The following PAX5 variants were observed in gnomAD, a reference collection of about 807,000 sequenced individuals.
PAX5 encodes the protein paired box 5.
Under a neutral mutation model 43.7 loss-of-function variants are expected in PAX5, and 9 were observed. The ratio of observed to expected loss-of-function variants is 0.21; its 90% CI spans 0.12 to 0.36. The LOEUF (loss-of-function observed/expected upper bound fraction) is 0.36. Ranked by LOEUF, PAX5 falls within the 10% of genes least tolerant of loss-of-function variation. The pLI is 1.00. For synonymous variants in PAX5, 228 were observed against 214.3 expected, an observed-to-expected ratio of 1.06 and a Z score of -0.56; for missense variants, 383 against 532.7, an observed-to-expected ratio of 0.72 and a Z score of 2.77.
At chr9:37,014,579 G>A (rs1388924818) in intron 3 of PAX5, among the ~76,000 whole-genome samples, 2 of 152,222 alleles carry the variant, frequency 1.3e-5, no homozygotes, top group Non-Finnish European at 2.9e-5. Flanking sequence ...CAAACTGGAG[G>A]AAGGATTTTC....
chr9:36,838,708 T>C lies in PAX5; in HGVS notation c.*1852A>G, dbSNP rs1821816421. On this transcript the variant is annotated 3_prime_UTR_variant, in exon 10 of 10. Transcript: ENST00000358127. ...AGGTGCCCACCCCCATCTGCTTGCT[T>C]GGAAGTGGAGGGCCTGCCCCAGATG... is the stretch of plus-strand genomic sequence containing the variant. 4.3e-6 allele frequency: 1 copy of C among 233,006 alleles called. No individual in the cohort carries two copies. Among genetic ancestry groups the C allele is most frequent in the Non-Finnish European group, 8.5e-6 (1 of 117,988 alleles). 14.4% of individuals were successfully genotyped at this position (233,006 alleles called of 1,614,324 possible).
At chr9:36,981,448 C>CAAAAAAA (rs200070533) in intron 5 of PAX5, among the ~76,000 whole-genome samples, 1 of 134,658 alleles carries the variant, frequency 7.4e-6, no homozygotes. Context: ...AAAAAAAAAA[C>CAAAAAAA]AAAAAACAGG....
chr9:36,890,186 A>G (rs927199102), intron 7 of PAX5, among the ~76,000 whole-genome samples: 4 of 151,898 alleles, frequency 2.6e-5, no homozygotes, highest in African/African-American at 9.7e-5. Context: ...CTCCCCCTCC[A>G]TCTACCTGAC....
At position 36,997,898 on chromosome 9, in the gene PAX5, G is replaced by A. The variant is rs1837524498; in HGVS notation, c.604+4750C>T. On this transcript the variant is annotated intron_variant, in intron 5 of 9. Coordinates refer to ENST00000358127, the MANE Select transcript of PAX5 (RefSeq NM_016734.3). Reference sequence around the variant, plus strand: ...AGAAGGGAAAGACAAGTGGGTAGATGCACTTGCAGACACAGTACTGGCACA... The same window carrying A: ...AGAAGGGAAAGACAAGTGGGTAGATACACTTGCAGACACAGTACTGGCACA... Among the ~76,000 whole-genome samples the A allele has an allele frequency of 2.6e-5, 4 of 152,236 alleles. No homozygotes were observed. In the South Asian group the frequency reaches 8.3e-4, roughly 32 times the overall value.
intron 5 of PAX5, among the ~76,000 whole-genome samples, chr9:36,986,058 C>G (rs1252978651): frequency 6.6e-6 from 1 of 151,982 alleles, no homozygotes; most frequent in Non-Finnish European, 1.5e-5. Flanking sequence ...GACGCCAGCT[C>G]CGTCCGACCC....
chr9:36,848,639 C>CT (rs974591618), intron 8 of PAX5, among the ~76,000 whole-genome samples: 2 of 152,174 alleles, frequency 1.3e-5, no homozygotes, highest in African/African-American at 4.8e-5. Flanking sequence ...CCTCGGGACT[C>CT]TGAGCACCCG....
In PAX5 at chr9:36,837,079, G is replaced by A. The variant is rs1564290220; in HGVS notation, c.*3481C>T. On this transcript the variant is annotated 3_prime_UTR_variant, in exon 10 of 10. Transcript: ENST00000358127. Reference sequence around the variant, plus strand: ...CTTTCTTGCCTGATTGTGGGTCTGGGGGATTTCTAGGGAATGGGGGTGGGG... The same window carrying A: ...CTTTCTTGCCTGATTGTGGGTCTGGAGGATTTCTAGGGAATGGGGGTGGGG... 4.3e-6 allele frequency: 1 copy of A among 232,944 alleles called. No individual in the cohort carries two copies. Among genetic ancestry groups the A allele is most frequent in the African/African-American group, 2.2e-5 (1 of 45,304 alleles). The allele number at this position is 232,944 out of a possible 1,614,324, so 14.4% of individuals were successfully genotyped here.
chr9:37,015,199 G>A lies in PAX5; in HGVS notation c.213-5C>T. On this transcript the variant is annotated splice_polypyrimidine_tract_variant and splice_region_variant and intron_variant, in intron 2 of 9. Transcript: ENST00000358127. The surrounding 1 kb of genome is among the most constrained non-coding windows in gnomAD (Gnocchi z 4.4). ...ATGCTTCCTGTCTCATAATACCTAGGACCCAAAGAGAAAGAAGCTTAGCCA... is the reference window on the plus strand; with the variant it reads ...ATGCTTCCTGTCTCATAATACCTAGAACCCAAAGAGAAAGAAGCTTAGCCA... The A allele has an allele frequency of 6.2e-7, 1 of 1,612,686 alleles. No homozygotes were observed. Among genetic ancestry groups the A allele is most frequent in the South Asian group, 1.1e-5 (1 of 91,010 alleles).
intron 7 of PAX5, among the ~76,000 whole-genome samples, chr9:36,884,917 G>C (rs1826785113): frequency 6.6e-6 from 1 of 152,222 alleles, no homozygotes; most frequent in Non-Finnish European, 1.5e-5. Context: ...CAGAGGAGCT[G>C]GCACATGGCC....
At chr9:36,945,057 G>A (rs1474843894) in intron 6 of PAX5, among the ~76,000 whole-genome samples, 1 of 152,114 alleles carries the variant, frequency 6.6e-6, no homozygotes, top group Non-Finnish European at 1.5e-5. Context: ...GACTGCTGTA[G>A]CAACAATCAC....
chr9:36,854,597 G>A (rs1289638001), intron 8 of PAX5, among the ~76,000 whole-genome samples: 1 of 152,126 alleles, frequency 6.6e-6, no homozygotes, highest in Non-Finnish European at 1.5e-5. Context: ...CTCAGAAGCT[G>A]TCTTCACTGC....
intron 5 of PAX5, among the ~76,000 whole-genome samples, chr9:36,989,751 T>G: frequency 6.6e-6 from 1 of 152,220 alleles, no homozygotes; most frequent in South Asian, 2.1e-4. Flanking sequence ...ACGTTTGACG[T>G]GCAAGGCTCT....
chr9:36,908,190 C>T (rs1424287951), intron 7 of PAX5, among the ~76,000 whole-genome samples: 1 of 148,098 alleles, frequency 6.8e-6, no homozygotes, highest in Non-Finnish European at 1.5e-5. Context: ...CAGGGTAAGA[C>T]CCTGTTTCAA....
chr9:36,869,711 G>A (rs1825236488), intron 8 of PAX5, among the ~76,000 whole-genome samples: 1 of 152,160 alleles, frequency 6.6e-6, no homozygotes, highest in Non-Finnish European at 1.5e-5. Flanking sequence ...TTTTGATCTT[G>A]TATCCTTAGG....
intron 1 of PAX5, among the ~76,000 whole-genome samples, chr9:37,026,235 C>G (rs532651531): frequency 4.0e-4 from 61 of 152,390 alleles, no homozygotes; most frequent in African/African-American, 1.4e-3. Context: ...CCGGAGCCCT[C>G]TACGGGTCCA....
chr9:36,858,042 A>G (rs1823845118), intron 8 of PAX5, among the ~76,000 whole-genome samples: 1 of 152,252 alleles, frequency 6.6e-6, no homozygotes, highest in Non-Finnish European at 1.5e-5. Flanking sequence ...CCCAGCAGCC[A>G]CTTAGCTGGG....
At chr9:36,848,252 G>A (rs1374449613) in intron 8 of PAX5, among the ~76,000 whole-genome samples, 1 of 152,016 alleles carries the variant, frequency 6.6e-6, no homozygotes, top group Non-Finnish European at 1.5e-5. Flanking sequence ...TCTGCCAGGT[G>A]GGGCAGGAAT....
chr9:36,966,313 C>T (rs1344454620), intron 6 of PAX5, among the ~76,000 whole-genome samples: 1 of 152,246 alleles, frequency 6.6e-6, no homozygotes, highest in Admixed American at 6.5e-5. Context: ...CACCCACCCC[C>T]TGGCTGGCCA....
At chr9:36,908,349 C>A (rs1176882544) in intron 7 of PAX5, among the ~76,000 whole-genome samples, 1 of 152,056 alleles carries the variant, frequency 6.6e-6, no homozygotes, top group Non-Finnish European at 1.5e-5. Flanking sequence ...AGCAACTGTC[C>A]CTTCCTTCAT....
Sources: allele counts gnomAD v4.1 joint callset (sites outside exome capture counted in the v4.1 genomes callset), GRCh38; gene constraint gnomAD v4.1.1; non-coding constraint Gnocchi (gnomAD v3.1); transcripts MANE v1.5; gene names NCBI Gene and HGNC (gene_info 2026-07-23, HGNC 2026-07-21).